The following AGO2 variants were observed in gnomAD, a reference collection of about 807,000 sequenced individuals.
AGO2 encodes the protein protein argonaute-2.
In AGO2, 5 loss-of-function variants were observed where a neutral mutation model predicts 102.3. The ratio of observed to expected loss-of-function variants is 0.05; its 90% CI spans 0.03 to 0.10. The LOEUF (loss-of-function observed/expected upper bound fraction) is 0.10, where lower values mean the gene tolerates loss of function less well. Ranked by LOEUF, AGO2 falls within the 10% of genes least tolerant of loss-of-function variation. The probability of loss-of-function intolerance (pLI) is 1.00; values close to 1 mark genes in which losing one functional copy is unlikely to be tolerated. For synonymous variants in AGO2, 449 were observed against 473.1 expected, an observed-to-expected ratio of 0.95 and a Z score of 0.66; for missense variants, 541 against 1,183.7, an observed-to-expected ratio of 0.46 and a Z score of 7.97.
chr8:140,535,573 C>T lies in AGO2; in HGVS notation c.2170-4G>A, dbSNP rs367764720. ...GAATGTTTCCACTTTTCCCAACCTT[C>T]GGCAACACAGGCATCTCGTTAGACA... is the stretch of plus-strand genomic sequence containing the variant. On this transcript the variant is annotated splice_polypyrimidine_tract_variant and splice_region_variant and intron_variant, in intron 16 of 18. Coordinates refer to ENST00000220592, the MANE Select transcript of AGO2 (RefSeq NM_012154.5). The T allele has an allele frequency of 1.8e-5, 29 of 1,614,016 alleles. No homozygotes were observed. Among genetic ancestry groups the T allele is most frequent in the South Asian group, 1.2e-4 (11 of 91,090 alleles).
chr8:140,598,217 C>T (rs1223398109), intron 1 of AGO2, among the ~76,000 whole-genome samples: 1 of 152,190 alleles, frequency 6.6e-6, no homozygotes, highest in Non-Finnish European at 1.5e-5. Flanking sequence ...GTCTGAACCC[C>T]GAGACGGCGT....
At chr8:140,585,652 CCGCT>C (rs1305314614) in intron 1 of AGO2, among the ~76,000 whole-genome samples, 1 of 152,186 alleles carries the variant, frequency 6.6e-6, no homozygotes, top group African/African-American at 2.4e-5. Flanking sequence ...GCTGCTTAAA[CCGCT>C]CGTTTACTCA....
intron 10 of AGO2, 107 bp from the exon 11 acceptor site, chr8:140,551,543 T>C: frequency 7.8e-7 from 1 of 1,288,432 alleles, no homozygotes; most frequent in Non-Finnish European, 1.0e-6. Context: ...CAACTGCTTC[T>C]CAGGGAAAGA....
rs1417617880 is a variant in AGO2 at position 140,596,316 on chromosome 8, C to T, written c.23-11005G>A. 3.3e-5 allele frequency among the ~76,000 whole-genome samples: 5 copies of T among 152,286 alleles called. No individual in the cohort carries two copies. In the East Asian group the frequency reaches 5.8e-4, roughly 18 times the overall value. ...AACAGAAGCTGGCTGGGTGTGGTGG[C>T]TCATGCCCTGTAATCCCAGCATTTT... On this transcript the variant is annotated intron_variant, in intron 1 of 18. Transcript: ENST00000220592.
chr8:140,534,316 G>T (rs568881518), intron 17 of AGO2, among the ~76,000 whole-genome samples: 12 of 152,324 alleles, frequency 7.9e-5, no homozygotes, highest in African/African-American at 2.9e-4. Flanking sequence ...AGAAGAGTTT[G>T]CCCAGGAAAC....
At chr8:140,547,729 T>C in intron 12 of AGO2, 102 bp from the exon 13 acceptor site, 1 of 1,471,806 alleles carries the variant, frequency 6.8e-7, no homozygotes, top group Non-Finnish European at 9.1e-7. Context: ...ATCTGGCAAG[T>C]GCAGCCATGG....
chr8:140,566,622 G>T (rs560288616), intron 3 of AGO2, among the ~76,000 whole-genome samples: 30 of 149,754 alleles, frequency 2.0e-4, no homozygotes, highest in African/African-American at 5.4e-4. Context: ...TTTTTTTGGG[G>T]GGGGGGAAGG....
chr8:140,577,939 G>C (rs2073492482), intron 2 of AGO2, among the ~76,000 whole-genome samples: 1 of 152,226 alleles, frequency 6.6e-6, no homozygotes, highest in Admixed American at 6.5e-5. Context: ...GTGCGGCTTG[G>C]GCTGGGCGGA....
intron 3 of AGO2, among the ~76,000 whole-genome samples, chr8:140,568,213 G>A (rs2073321435): frequency 6.7e-6 from 1 of 150,248 alleles, no homozygotes; most frequent in Non-Finnish European, 1.5e-5. Flanking sequence ...GAGCCTGGGA[G>A]GTGGAGGTTA....
rs113804477 is a variant in AGO2 at position 140,534,771 on chromosome 8, A to G, written c.2271+697T>C. 5.3e-3 allele frequency among the ~76,000 whole-genome samples: 803 copies of G among 152,338 alleles called. 5 individuals are homozygous for G. The highest frequency in any genetic ancestry group is 0.018 in the African/African-American group (760 of 41,570). ...TGAAAAACCAAAAGCCCCTCTGATC[A>G]AGCTCTCTGCAGGCAGGGACGGCAC... On this transcript the variant is annotated intron_variant, in intron 17 of 18. Transcript: ENST00000220592.
chr8:140,562,734 A>C, intron 3 of AGO2, 100 bp from the exon 4 acceptor site: 1 of 1,431,828 alleles, frequency 7.0e-7, no homozygotes, highest in Non-Finnish European at 9.5e-7. Flanking sequence ...TGGGTGAGGA[A>C]GTCCCCGCCC....
intron 1 of AGO2, among the ~76,000 whole-genome samples, chr8:140,605,154 G>A (rs1401870703): frequency 6.6e-6 from 1 of 152,150 alleles, no homozygotes; most frequent in East Asian, 1.9e-4. Flanking sequence ...GGAATGCAGT[G>A]TACAATCTCA....
intron 14 of AGO2, chr8:140,541,590 TTAAACAA>T: frequency 2.2e-6 from 1 of 462,924 alleles, no homozygotes. Flanking sequence ...GTTACATAGT[TTAAACAA>T]AACAAAACAA....
At position 140,556,740 on chromosome 8, in the gene AGO2, CCTTTCCCAAGG is replaced by C. The variant is rs2073100610; in HGVS notation, c.1026+338_1026+348del. On this transcript the variant is annotated intron_variant, in intron 8 of 18. Coordinates refer to ENST00000220592, the MANE Select transcript of AGO2 (RefSeq NM_012154.5). Reference sequence around the variant, plus strand: ...ACATGGCTCAGGGTCGGAATTTGATCCTTTCCCAAGGCAAGGATTTTTCAAAGAGTCGTGAT... The same window carrying C: ...ACATGGCTCAGGGTCGGAATTTGATCCAAGGATTTTTCAAAGAGTCGTGAT... Among the ~76,000 whole-genome samples the C allele has an allele frequency of 2.0e-5, 3 of 152,286 alleles. No individual in the cohort carries two copies. The South Asian group carries it at 6.2e-4, about 32-fold the overall frequency.
chr8:140,629,902 G>A (rs1171128801), intron 1 of AGO2, among the ~76,000 whole-genome samples: 1 of 141,826 alleles, frequency 7.1e-6, no homozygotes, highest in Admixed American at 7.0e-5. Context: ...GGAGGGGAGG[G>A]GAGCGGAGGC....
At chr8:140,590,348 C>A (rs2073729202) in intron 1 of AGO2, among the ~76,000 whole-genome samples, 8 of 152,218 alleles carry the variant, frequency 5.3e-5, no homozygotes, top group Admixed American at 5.2e-4. Flanking sequence ...AAAAGGAACC[C>A]TCGCACTTTG....
Position 140,539,402 on chromosome 8 carries a change from T to C in AGO2, c.2087A>G (p.Lys696Arg). Residue 696 changes from lysine (K) to arginine (R), a missense_variant, in exon 16 of 19, where the codon AAA becomes AGA. Physicochemically the swap from Lys to Arg is conservative, Grantham distance 26. Around this residue, in one of 6 missense-constraint regions of AGO2, gnomAD observed 309 missense variants for 735.1 expected, o/e 0.42. Transcript: ENST00000220592. The surrounding 1 kb of genome is among the most constrained non-coding windows in gnomAD (Gnocchi z 4.7). ...GAAGGTGATCCCGGGCTGGTAGTCTTTTTCTAGCTTGATACAGGCCTCACG... is the reference window on the plus strand; with the variant it reads ...GAAGGTGATCCCGGGCTGGTAGTCTCTTTCTAGCTTGATACAGGCCTCACG... ...AIREACIKLE[K>R]DYQPGITFIV... The C allele has an allele frequency of 6.2e-7, 1 of 1,614,088 alleles. No individual in the cohort carries two copies. Among genetic ancestry groups the C allele is most frequent in the African/African-American group, 1.3e-5 (1 of 75,034 alleles).
intron 1 of AGO2, among the ~76,000 whole-genome samples, chr8:140,595,277 T>C (rs2073809183): frequency 6.6e-6 from 1 of 152,100 alleles, no homozygotes. Flanking sequence ...GGAAAAAGCT[T>C]CAGAATGGTG....
chr8:140,605,493 G>C (rs1373928959), intron 1 of AGO2, among the ~76,000 whole-genome samples: 2 of 152,246 alleles, frequency 1.3e-5, no homozygotes, highest in African/African-American at 4.8e-5. Context: ...CACAGACGGG[G>C]GTGCAGGGCT....
Sources: allele counts gnomAD v4.1 joint callset (sites outside exome capture counted in the v4.1 genomes callset), GRCh38; gene constraint gnomAD v4.1.1; regional missense constraint gnomAD v4.1.1; non-coding constraint Gnocchi (gnomAD v3.1); transcripts MANE v1.5; gene names NCBI Gene and HGNC (gene_info 2026-07-23, HGNC 2026-07-21).